Variants in NTAQ1 observed in about 807,000 individuals in gnomAD.
The protein encoded by NTAQ1 is N-terminal glutamine amidase 1, also known as protein N-terminal glutamine amidohydrolase.
In NTAQ1, 21 loss-of-function variants were observed where a neutral mutation model predicts 28.2. The ratio of observed to expected loss-of-function variants is 0.74; its 90% CI spans 0.53 to 1.07. The LOEUF (loss-of-function observed/expected upper bound fraction) is 1.07. Among genes scored for constraint, NTAQ1 ranks in the 50% least tolerant of loss-of-function variants. NTAQ1 has a pLI of 0.00. For missense variants in NTAQ1, 264 were observed against 256.6 expected (o/e 1.03, Z -0.20); for synonymous variants, 105 against 90.0 (o/e 1.17, Z -0.94).
intron 5 of NTAQ1, among the ~76,000 whole-genome samples, chr8:123,440,931 C>G (rs1563896203): frequency 6.6e-6 from 1 of 152,122 alleles, no homozygotes; most frequent in Non-Finnish European, 1.5e-5. Context: ...TATTTCTAGC[C>G]CTGTGGAAGT....
chr8:123,468,304 C>A (rs186898062), exon 7 of NTAQ1, among the ~76,000 whole-genome samples: 22 of 152,272 alleles, frequency 1.4e-4, no homozygotes, highest in Non-Finnish European at 2.4e-4. Context: ...CATCATCATG[C>A]CACAGATCTC....
downstream of NTAQ1, among the ~76,000 whole-genome samples, chr8:123,473,390 G>C (rs1390153540): frequency 6.6e-6 from 1 of 151,722 alleles, no homozygotes; most frequent in African/African-American, 2.4e-5. Context: ...CCGTGCCCTG[G>C]GCTCAACCAA....
chr8:123,421,529 G>A (rs1397768178), intron 1 of NTAQ1, among the ~76,000 whole-genome samples: 1 of 70,876 alleles, frequency 1.4e-5, no homozygotes, highest in African/African-American at 5.2e-5. Flanking sequence ...TTTTTTTTGA[G>A]ATGGAGTCTT....
chr8:123,457,945 A>G (rs1411382033), intron 6 of NTAQ1, among the ~76,000 whole-genome samples: 4 of 151,700 alleles, frequency 2.6e-5, no homozygotes, highest in Non-Finnish European at 5.9e-5. Flanking sequence ...GAGACAGGAA[A>G]ATCGCTTGAA....
chr8:123,449,951 A>ATGTGTGTGTG (rs1563902023), downstream of NTAQ1, among the ~76,000 whole-genome samples: 7 of 13,174 alleles, frequency 5.3e-4, 2 homozygotes, highest in African/African-American at 1.4e-3. Context: ...GTGTGTGTGC[A>ATGTGTGTGTG]TATATATATA....
chr8:123,428,763 G>A (rs1814222893), intron 2 of NTAQ1, among the ~76,000 whole-genome samples: 1 of 151,832 alleles, frequency 6.6e-6, no homozygotes, highest in Non-Finnish European at 1.5e-5. Context: ...CACGATGGCC[G>A]GCTAATTTTT....
intron 6 of NTAQ1, among the ~76,000 whole-genome samples, chr8:123,458,299 G>A (rs1466588015): frequency 6.7e-6 from 1 of 149,872 alleles, no homozygotes; most frequent in Non-Finnish European, 1.5e-5. Flanking sequence ...TGTTCTCTCT[G>A]ATCAAAGTTT....
chr8:123,447,707 G>A (rs1815341053), intron 6 of NTAQ1, among the ~76,000 whole-genome samples: 1 of 152,110 alleles, frequency 6.6e-6, no homozygotes, highest in Admixed American at 6.6e-5. Flanking sequence ...CTTTCTAACT[G>A]CATACATTCA....
downstream of NTAQ1, among the ~76,000 whole-genome samples, chr8:123,473,491 A>G (rs571767095): frequency 2.6e-5 from 4 of 152,180 alleles, no homozygotes; most frequent in East Asian, 7.7e-4. Flanking sequence ...AGACGGTTTC[A>G]CCATGTTGCC....
chr8:123,436,424 T>A, intron 3 of NTAQ1, 29 bp from the exon 4 acceptor site: 1 of 1,607,686 alleles, frequency 6.2e-7, no homozygotes, highest in East Asian at 2.2e-5. Flanking sequence ...TGAAGTAACT[T>A]GGTTAACTTC....
chr8:123,449,236 A>G (rs143724741), downstream of NTAQ1, among the ~76,000 whole-genome samples: 10 of 152,312 alleles, frequency 6.6e-5, no homozygotes, highest in East Asian at 1.9e-3. Context: ...TCAGTAGTGA[A>G]GCAGAAGCAT....
In NTAQ1 at chr8:123,442,133, G is replaced by A. The variant is rs1325772750; in HGVS notation, c.*718G>A. ...AAAATATTTATTACATGTGCCTTCTGGAAGACATCTTGGTTATTTGGCTTT... is the reference window on the plus strand; with the variant it reads ...AAAATATTTATTACATGTGCCTTCTAGAAGACATCTTGGTTATTTGGCTTT... On this transcript the variant is annotated 3_prime_UTR_variant, in exon 6 of 6. Coordinates refer to ENST00000287387, the MANE Select transcript of NTAQ1 (RefSeq NM_018024.3). The A allele has an allele frequency of 6.6e-6, 1 of 152,152 alleles. No individual in the cohort carries two copies. Among genetic ancestry groups the A allele is most frequent in the African/African-American group, 2.4e-5 (1 of 41,390 alleles). The allele number at this position is 152,152 out of a possible 1,614,324, so 9.4% of individuals were successfully genotyped here.
chr8:123,446,978 TG>T (rs919282115), downstream of NTAQ1, among the ~76,000 whole-genome samples: 3 of 152,134 alleles, frequency 2.0e-5, no homozygotes, highest in Non-Finnish European at 4.4e-5. Flanking sequence ...GCCGCCGAGC[TG>T]GGGGTCAGGG....
intron 2 of NTAQ1, among the ~76,000 whole-genome samples, chr8:123,429,250 C>T (rs1216155587): frequency 6.6e-6 from 1 of 152,160 alleles, no homozygotes; most frequent in African/African-American, 2.4e-5. Context: ...AGTTCAGATC[C>T]CTTTTCACTC....
Position 123,427,979 on chromosome 8 carries a change from T to G in NTAQ1, c.139T>G (p.Leu47Val), listed in dbSNP as rs1281087282. The G allele has an allele frequency of 1.9e-6, 3 of 1,611,558 alleles. No individual in the cohort carries two copies. Among genetic ancestry groups the G allele is most frequent in the Non-Finnish European group, 2.5e-6 (3 of 1,179,290 alleles). Residue 47 changes from leucine to valine, a missense_variant, in exon 2 of 6, where the codon TTA becomes GTA. By Grantham distance (32) the Leu-to-Val change is conservative. Transcript: ENST00000287387. ...EYIKNHDQYPLEECYAVFISN... is the reference protein window; with the variant it reads ...EYIKNHDQYPVEECYAVFISN... ...CATCAAAAACCATGACCAGTATCCT[T>G]TAGAAGAATGTTATGCTGTCTTCAT...
At chr8:123,447,551 T>C (rs894796786) in intron 6 of NTAQ1, among the ~76,000 whole-genome samples, 2 of 152,102 alleles carry the variant, frequency 1.3e-5, no homozygotes, top group African/African-American at 4.8e-5. Context: ...AGGAAACTGA[T>C]GCAGAGAGAG....
intron 1 of NTAQ1, among the ~76,000 whole-genome samples, chr8:123,427,460 TCAGGCTGGTCTCTCTGC>T (rs796325446): frequency 1.4e-4 from 21 of 151,896 alleles, no homozygotes; most frequent in African/African-American, 3.9e-4. Flanking sequence ...ACCATATTGG[TCAGGCTGGTCTCTCTGC>T]CAGGCTGGTC....
intron 6 of NTAQ1, among the ~76,000 whole-genome samples, chr8:123,460,657 GT>G (rs1815796446): frequency 6.6e-6 from 1 of 152,226 alleles, no homozygotes; most frequent in Non-Finnish European, 1.5e-5. Flanking sequence ...AACATCAGAT[GT>G]GAGAAGACCA....
At chr8:123,441,160 A>G (rs571929731) in intron 5 of NTAQ1, 146 bp from the exon 6 acceptor site, 7 of 629,498 alleles carry the variant, frequency 1.1e-5, no homozygotes, top group Middle Eastern at 4.3e-4. Flanking sequence ...GAAGTTATAC[A>G]TTCAAGGCCA....
Sources: allele counts gnomAD v4.1 joint callset (sites outside exome capture counted in the v4.1 genomes callset), GRCh38; gene constraint gnomAD v4.1.1; transcripts MANE v1.5; gene names NCBI Gene and HGNC (gene_info 2026-07-23, HGNC 2026-07-21).